Variants in SEMA3A observed in about 807,000 individuals in gnomAD.
SEMA3A encodes semaphorin-3A.
SEMA3A carries 29 observed loss-of-function variants against 97.9 expected under a neutral mutation model. The ratio of observed to expected loss-of-function variants is 0.30; its 90% confidence interval spans 0.22 to 0.40. The LOEUF (loss-of-function observed/expected upper bound fraction) is 0.40. SEMA3A is among the 10% of genes least tolerant of loss of function. The probability of loss-of-function intolerance (pLI) is 1.00; values close to 1 mark genes in which losing one functional copy is unlikely to be tolerated. For missense variants in SEMA3A, 763 were observed against 951.3 expected (o/e 0.80, Z 2.60); for synonymous variants, 321 against 323.7 (o/e 0.99, Z 0.09).
intron 5 of SEMA3A, among the ~76,000 whole-genome samples, chr7:84,049,612 T>G (rs1583871772): frequency 6.6e-6 from 1 of 152,124 alleles, no homozygotes; most frequent in Admixed American, 6.6e-5. Flanking sequence ...TTTTGGAGAA[T>G]AGATATATTT....
At chr7:84,451,144 T>TAGATTTA in intron 1 of SEMA3A, among the ~76,000 whole-genome samples, 1 of 152,342 alleles carries the variant, frequency 6.6e-6, no homozygotes, top group Middle Eastern at 3.4e-3. Flanking sequence ...TTCATTTTCT[T>TAGATTTA]AGATTTAAGT....
intron 3 of SEMA3A, among the ~76,000 whole-genome samples, chr7:84,214,036 C>T (rs1048666003): frequency 6.6e-6 from 1 of 152,156 alleles, no homozygotes; most frequent in African/African-American, 2.4e-5. Flanking sequence ...ATTTATGTTT[C>T]TCATTGTACC....
At chr7:84,200,594 T>G (rs1798331113) in intron 3 of SEMA3A, among the ~76,000 whole-genome samples, 1 of 152,104 alleles carries the variant, frequency 6.6e-6, no homozygotes, top group Non-Finnish European at 1.5e-5. Context: ...TGGTCTCTCT[T>G]TTCTTTTGTC....
intron 3 of SEMA3A, among the ~76,000 whole-genome samples, chr7:84,300,151 GAAAAT>G (rs1383857432): frequency 6.9e-6 from 1 of 145,910 alleles, no homozygotes; most frequent in African/African-American, 2.5e-5. Context: ...TCATAAAGGA[GAAAAT>G]AAAATAGAAA....
intron 1 of SEMA3A, among the ~76,000 whole-genome samples, chr7:84,484,427 T>C (rs899863315): frequency 9.2e-5 from 14 of 152,098 alleles, no homozygotes; most frequent in Admixed American, 9.2e-4. Flanking sequence ...TATAGCTATT[T>C]AAACAAAATA....
chr7:84,208,803 T>TA, intron 3 of SEMA3A, among the ~76,000 whole-genome samples: 1 of 152,284 alleles, frequency 6.6e-6, no homozygotes, highest in East Asian at 1.9e-4. Flanking sequence ...CAAAAAGTGA[T>TA]AAAGGCTAGT....
rs1455225007 is a variant in SEMA3A at position 84,315,917 on chromosome 7, C to T, written c.-168-8625G>A. On this transcript the variant is annotated intron_variant, in intron 2 of 3. Transcript: ENST00000424555. ...TTTTCACATTTTATGATTTTATGTA[C>T]TTTTTGTATTACTAATATATATTTT... 3.3e-5 allele frequency among the ~76,000 whole-genome samples: 5 copies of T among 151,424 alleles called. 1 individual carries two copies. The highest frequency in any genetic ancestry group is 1.2e-4 in the African/African-American group (5 of 41,404).
chr7:84,430,418 A>G (rs1804948249), intron 1 of SEMA3A, among the ~76,000 whole-genome samples: 1 of 152,016 alleles, frequency 6.6e-6, no homozygotes, highest in Admixed American at 6.6e-5. Context: ...CACTTAAAAA[A>G]CCAATAGTAA....
chr7:84,129,722 CT>C (rs201159526), intron 2 of SEMA3A, among the ~76,000 whole-genome samples: 3,651 of 133,512 alleles, frequency 0.027, 126 homozygotes, highest in African/African-American at 0.086. Flanking sequence ...CTCCTCTTGA[CT>C]TTTTTTTTTT....
intron 3 of SEMA3A, among the ~76,000 whole-genome samples, chr7:84,231,026 A>G (rs1427478896): frequency 1.3e-5 from 2 of 151,758 alleles, no homozygotes; most frequent in Non-Finnish European, 2.9e-5. Context: ...CTATACTACT[A>G]TGTTTCTGAT....
intron 2 of SEMA3A, among the ~76,000 whole-genome samples, chr7:84,330,193 C>T (rs1388703429): frequency 6.6e-6 from 1 of 151,960 alleles, no homozygotes; most frequent in Non-Finnish European, 1.5e-5. Flanking sequence ...GGATATATGT[C>T]TCGTTGCTCA....
At chr7:83,994,836 G>T (rs913954648) in intron 12 of SEMA3A, among the ~76,000 whole-genome samples, 6 of 151,988 alleles carry the variant, frequency 3.9e-5, no homozygotes, top group African/African-American at 1.4e-4. Flanking sequence ...AGCTGTGGTG[G>T]GCTCCACCCA....
chr7:84,066,544 C>T (rs528899393), intron 4 of SEMA3A, among the ~76,000 whole-genome samples: 2 of 149,976 alleles, frequency 1.3e-5, no homozygotes, highest in East Asian at 3.9e-4. Flanking sequence ...CCCAAAATCT[C>T]CTTAAGCTGA....
At chr7:84,203,334 T>C (rs1284018307) in intron 3 of SEMA3A, among the ~76,000 whole-genome samples, 1 of 151,162 alleles carries the variant, frequency 6.6e-6, no homozygotes, top group African/African-American at 2.4e-5. Context: ...CCTTTTTTTT[T>C]CTTATTTTAT....
At chr7:84,285,045 A>G (rs1250520811) in intron 3 of SEMA3A, among the ~76,000 whole-genome samples, 1 of 151,668 alleles carries the variant, frequency 6.6e-6, no homozygotes, top group African/African-American at 2.4e-5. Context: ...CTTCTCTTGT[A>G]CTCTTTTATT....
chr7:84,081,211 G>C (rs1794141077), intron 4 of SEMA3A, among the ~76,000 whole-genome samples: 1 of 152,000 alleles, frequency 6.6e-6, no homozygotes, highest in African/African-American at 2.4e-5. Flanking sequence ...ATGGACTGAT[G>C]GGGGCATGAT....
At chr7:84,145,545 G>T (rs752464725) in intron 1 of SEMA3A, among the ~76,000 whole-genome samples, 1 of 152,028 alleles carries the variant, frequency 6.6e-6, no homozygotes, top group African/African-American at 2.4e-5. Context: ...ATGTTCAAAT[G>T]ACTATTAAAA....
At chr7:84,149,452 G>C (rs1796561443) in intron 1 of SEMA3A, among the ~76,000 whole-genome samples, 1 of 152,114 alleles carries the variant, frequency 6.6e-6, no homozygotes, top group African/African-American at 2.4e-5. Context: ...CAGCTTGTTT[G>C]TTGAAAATCC....
intron 2 of SEMA3A, among the ~76,000 whole-genome samples, chr7:84,326,096 G>A (rs968432464): frequency 1.6e-4 from 24 of 152,010 alleles, no homozygotes; most frequent in African/African-American, 5.3e-4. Context: ...TCTTCTTTCT[G>A]GCTAAATAAT....
Sources: gnomAD v4.1 joint callset for allele counts (sites outside exome capture counted in the v4.1 genomes callset) on GRCh38, gnomAD v4.1.1 for gene constraint, MANE v1.5 for transcripts, NCBI Gene and HGNC (gene_info 2026-07-23, HGNC 2026-07-21) for gene names.